Variants in NPY2R observed in about 807,000 individuals in gnomAD.
The protein encoded by NPY2R is neuropeptide Y receptor type 2.
A neutral mutation model predicts 22.3 loss-of-function variants in NPY2R; 17 were observed. The ratio of observed to expected loss-of-function variants is 0.76; its 90% confidence interval spans 0.52 to 1.14. NPY2R has a LOEUF of 1.14. Ranked by LOEUF, NPY2R falls within the 50% of genes most tolerant of loss-of-function variation. The probability of loss-of-function intolerance (pLI) is 0.00; values close to 1 mark genes in which losing one functional copy is unlikely to be tolerated. For missense variants in NPY2R, 424 were observed against 467.9 expected, an observed-to-expected ratio of 0.91 and a Z score of 0.87; for synonymous variants, 209 against 183.4, an observed-to-expected ratio of 1.14 and a Z score of -1.13.
chr4:155,206,551 T>G (rs1035824422), upstream of NPY2R: 2 of 152,230 alleles, frequency 1.3e-5, no homozygotes, highest in Admixed American at 6.5e-5. Context: ...TTCTGAACTT[T>G]ATTAAAGGAC....
the NPY2R span, among the ~76,000 whole-genome samples, chr4:155,191,841 A>T: frequency 6.6e-6 from 1 of 151,846 alleles, no homozygotes; most frequent in African/African-American, 2.4e-5. Context: ...GAGAACTGTC[A>T]CTCTTACTTC....
the NPY2R span, among the ~76,000 whole-genome samples, chr4:155,197,876 T>A: frequency 6.6e-6 from 1 of 152,022 alleles, no homozygotes; most frequent in Non-Finnish European, 1.5e-5. Context: ...TGTATTATTT[T>A]ATTCTTAATA....
chr4:155,203,095 A>G, the NPY2R span, among the ~76,000 whole-genome samples: 1 of 152,144 alleles, frequency 6.6e-6, no homozygotes, highest in East Asian at 1.9e-4. Context: ...AAATCTCAGC[A>G]ACATGCTGCA....
chr4:155,202,510 C>T, the NPY2R span, among the ~76,000 whole-genome samples: 9 of 151,902 alleles, frequency 5.9e-5, no homozygotes, highest in African/African-American at 1.7e-4. Flanking sequence ...AGGAGTGGTG[C>T]GTAATAAAAT....
the NPY2R span, among the ~76,000 whole-genome samples, chr4:155,188,774 C>T: frequency 1.3e-5 from 2 of 152,068 alleles, no homozygotes; most frequent in Non-Finnish European, 1.5e-5. Flanking sequence ...TGAAGCTGAT[C>T]CTTTCCCAGT....
chr4:155,215,191 G>A lies in NPY2R; in HGVS notation c.*106G>A. The A allele has an allele frequency of 9.5e-7, 1 of 1,049,860 alleles. No individual in the cohort carries two copies. Among genetic ancestry groups the A allele is most frequent in the African/African-American group, 1.6e-5 (1 of 63,632 alleles). The allele number at this position is 1,049,860 out of a possible 1,614,324, so 65.0% of individuals were successfully genotyped here. The stretch of plus-strand genomic sequence containing the variant: ...TGATTTCCCATTTTAAAGAAGAAGT[G>A]GATCTAAATGGAAGCATCTGCTGTT... On this transcript the variant is annotated 3_prime_UTR_variant, in exon 2 of 2. Transcript: ENST00000329476.
the NPY2R span, among the ~76,000 whole-genome samples, chr4:155,198,258 A>G: frequency 6.6e-6 from 1 of 151,904 alleles, no homozygotes; most frequent in Admixed American, 6.6e-5. Context: ...GGAACCATGC[A>G]CTTAGCATCA....
chr4:155,189,733 C>T, the NPY2R span, among the ~76,000 whole-genome samples: 1 of 151,798 alleles, frequency 6.6e-6, no homozygotes, highest in Non-Finnish European at 1.5e-5. Context: ...CATCTACAAC[C>T]AAACCAGGAG....
At chr4:155,182,199 C>T in the NPY2R span, among the ~76,000 whole-genome samples, 6 of 152,216 alleles carry the variant, frequency 3.9e-5, no homozygotes, top group South Asian at 8.3e-4. Context: ...CCATCCTACC[C>T]CTCACACCAC....
chr4:155,175,206 G>A, the NPY2R span, among the ~76,000 whole-genome samples: 1 of 151,968 alleles, frequency 6.6e-6, no homozygotes, highest in Admixed American at 6.6e-5. Context: ...AACAAGATTC[G>A]GTTTTGCCAT....
the NPY2R span, among the ~76,000 whole-genome samples, chr4:155,183,783 T>C: frequency 6.6e-6 from 1 of 152,202 alleles, no homozygotes; most frequent in Non-Finnish European, 1.5e-5. Flanking sequence ...GCTTGCTTAC[T>C]GGGTTCATGA....
rs1216242894 is a variant in NPY2R at position 155,214,069 on chromosome 4, A to G, written c.130A>G (p.Thr44Ala). The G allele has an allele frequency of 6.2e-7, 1 of 1,613,932 alleles. No homozygotes were observed. ...PDPEPELIDS[T>A]KLIEVQVVLI... ...CCCTGAGCCAGAGCTTATAGATAGT[A>G]CCAAGCTGATTGAGGTACAAGTTGT... The change falls in exon 2 of 2, where the codon ACC becomes GCC. Residue 44 changes from threonine (T) to alanine (A), a missense_variant. Coordinates refer to ENST00000329476, the MANE Select transcript of NPY2R (RefSeq NM_000910.4).
the NPY2R span, among the ~76,000 whole-genome samples, chr4:155,187,926 A>G: frequency 1.3e-5 from 2 of 152,194 alleles, no homozygotes; most frequent in African/African-American, 4.8e-5. Context: ...TATGCAAGTT[A>G]ATATGTAACC....
the NPY2R span, among the ~76,000 whole-genome samples, chr4:155,180,183 G>A: frequency 2.6e-5 from 4 of 151,874 alleles, no homozygotes; most frequent in African/African-American, 9.7e-5. Flanking sequence ...GCCTCCCAAA[G>A]AGCTAGAATT....
chr4:155,180,465 A>T, the NPY2R span, among the ~76,000 whole-genome samples: 1 of 152,098 alleles, frequency 6.6e-6, no homozygotes, highest in Non-Finnish European at 1.5e-5. Flanking sequence ...AGTGGAATAG[A>T]TTTTTTTACA....
At chr4:155,200,207 C>T in the NPY2R span, among the ~76,000 whole-genome samples, 2 of 152,050 alleles carry the variant, frequency 1.3e-5, no homozygotes, top group Admixed American at 1.3e-4. Context: ...ACAGACACTT[C>T]TCAAAAGAAG....
Position 155,215,143 on chromosome 4 carries a change from G to A in NPY2R, c.*58G>A. On this transcript the variant is annotated 3_prime_UTR_variant, in exon 2 of 2. Transcript: ENST00000329476. ...TCTGACCAGAGCTATGAATCTGGTT[G>A]ATGGCGGCTCACAAGTGAAAACTGA... 1 of 1,461,674 alleles carries A rather than the reference G, an allele frequency of 6.8e-7. No homozygotes were observed. The allele number at this position is 1,461,674 out of a possible 1,614,324, so 90.5% of individuals were successfully genotyped here.
At chr4:155,181,397 T>G in the NPY2R span, among the ~76,000 whole-genome samples, 287 of 152,266 alleles carry the variant, frequency 1.9e-3, no homozygotes, top group South Asian at 3.5e-3. Context: ...GAAATAAACG[T>G]TGGAATACAT....
the NPY2R span, among the ~76,000 whole-genome samples, chr4:155,201,127 C>G: frequency 1.3e-5 from 2 of 152,010 alleles, no homozygotes; most frequent in Non-Finnish European, 2.9e-5. Context: ...CAATTCCTTC[C>G]CTCCATTGTA....
Sources: allele counts gnomAD v4.1 joint callset (sites outside exome capture counted in the v4.1 genomes callset), GRCh38; gene constraint gnomAD v4.1.1; transcripts MANE v1.5; gene names NCBI Gene and HGNC (gene_info 2026-07-23, HGNC 2026-07-21).